WDR27: variants seen among roughly 807,000 people sequenced by gnomAD.
WDR27 encodes WD repeat domain 27, also known as WD repeat-containing protein 27.
A neutral mutation model predicts 114.4 loss-of-function variants in WDR27; 100 were observed. The observed-to-expected ratio is 0.87, with a 90% CI of 0.74 to 1.03. The LOEUF (loss-of-function observed/expected upper bound fraction) is 1.03, where lower values mean the gene tolerates loss of function less well. Among genes scored for constraint, WDR27 ranks in the 50% least tolerant of loss-of-function variants. The pLI, the probability that WDR27 is intolerant of heterozygous loss-of-function variation, is 0.00. For missense variants in WDR27, 1,129 were observed against 1,092.9 expected, an observed-to-expected ratio of 1.03 and a Z score of -0.47; for synonymous variants, 449 against 423.1, an observed-to-expected ratio of 1.06 and a Z score of -0.75.
chr6:169,655,827 C>T (rs973115938), intron 13 of WDR27, among the ~76,000 whole-genome samples: 25 of 152,212 alleles, frequency 1.6e-4, no homozygotes, highest in Admixed American at 1.2e-3. Flanking sequence ...TCAAGCGATT[C>T]TCCTGCCTCA....
intron 25 of WDR27, among the ~76,000 whole-genome samples, chr6:169,553,053 A>G (rs1218202879): frequency 4.8e-4 from 12 of 24,860 alleles, no homozygotes; most frequent in Admixed American, 1.4e-3. Flanking sequence ...GAGGGCCTGG[A>G]GGGCCTGTGT....
chr6:169,468,285 C>T (rs992666660), intron 25 of WDR27, among the ~76,000 whole-genome samples: 16 of 152,238 alleles, frequency 1.1e-4, no homozygotes, highest in African/African-American at 3.4e-4. Flanking sequence ...GCCCTCCAAA[C>T]TCTTTCAACC....
chr6:169,654,675 T>A lies in WDR27; in HGVS notation c.1403-2667A>T, dbSNP rs536409729. Among the ~76,000 whole-genome samples, 437 of 151,814 alleles carry A rather than the reference T, an allele frequency of 2.9e-3. 4 individuals are homozygous for A. Among genetic ancestry groups the A allele is most frequent in the African/African-American group, 0.01 (428 of 41,230 alleles). On this transcript the variant is annotated intron_variant, in intron 13 of 25. Transcript: ENST00000448612. ...TTGCTGCAAAGCGAAAGCACACGCC[T>A]AAGTGAGAAGCCAGGCGAGCTGAGG... is the stretch of plus-strand genomic sequence containing the variant.
intron 25 of WDR27, among the ~76,000 whole-genome samples, chr6:169,516,132 T>A (rs1284648905): frequency 2.0e-5 from 3 of 152,188 alleles, no homozygotes; most frequent in African/African-American, 4.8e-5. Flanking sequence ...CAGAATCAAC[T>A]TTCTTCAGAA....
chr6:169,573,876 C>T (rs1801840666), intron 24 of WDR27, among the ~76,000 whole-genome samples: 1 of 152,228 alleles, frequency 6.6e-6, no homozygotes, highest in Non-Finnish European at 1.5e-5. Context: ...TCTTTTGCAT[C>T]TGTGGTTTGA....
chr6:169,611,084 C>T (rs1810417038), intron 22 of WDR27, among the ~76,000 whole-genome samples: 1 of 151,972 alleles, frequency 6.6e-6, no homozygotes, highest in Non-Finnish European at 1.5e-5. Flanking sequence ...AAAAAGGGTG[C>T]ACCTGTATAG....
intron 25 of WDR27, among the ~76,000 whole-genome samples, chr6:169,561,142 C>A (rs1039933837): frequency 2.6e-5 from 4 of 152,008 alleles, no homozygotes; most frequent in African/African-American, 9.7e-5. Flanking sequence ...GGCTGGAGGT[C>A]CAGGATGAAG....
intron 24 of WDR27, among the ~76,000 whole-genome samples, chr6:169,574,983 G>C (rs1802013795): frequency 6.6e-6 from 1 of 152,162 alleles, no homozygotes; most frequent in African/African-American, 2.4e-5. Flanking sequence ...CCTGGTATTT[G>C]TCTATCTGCC....
chr6:169,512,470 C>T lies in WDR27; in HGVS notation c.2646-54836G>A, dbSNP rs80235060. Among the ~76,000 whole-genome samples the T allele has an allele frequency of 7.2e-5, 11 of 152,200 alleles. No homozygotes were observed. The East Asian group carries it at 7.7e-4, about 11-fold the overall frequency. The stretch of plus-strand genomic sequence containing the variant: ...TCAAGCCTACAAAATAGAAATACAA[C>T]GATAAGCCCAATGGGAACTTTAATT... On this transcript the variant is annotated intron_variant, in intron 25 of 25. Transcript: ENST00000448612.
At chr6:169,438,843 A>G in the WDR27 span, among the ~76,000 whole-genome samples, 219 of 152,272 alleles carry the variant, frequency 1.4e-3, 3 homozygotes, top group East Asian at 0.037. Context: ...TTAGTTTTTT[A>G]CTACTTAGAA....
At chr6:169,610,697 A>T (rs979085626) in intron 22 of WDR27, among the ~76,000 whole-genome samples, 7 of 152,216 alleles carry the variant, frequency 4.6e-5, no homozygotes, top group African/African-American at 1.7e-4. Context: ...ACACCATGAA[A>T]TACTACTACT....
intron 25 of WDR27, among the ~76,000 whole-genome samples, chr6:169,469,626 C>A (rs1786075597): frequency 6.6e-6 from 1 of 152,176 alleles, no homozygotes. Context: ...GAGTGGCAGC[C>A]CTGCTCACCA....
At chr6:169,567,576 T>C (rs1204305916) in intron 25 of WDR27, among the ~76,000 whole-genome samples, 3 of 152,050 alleles carry the variant, frequency 2.0e-5, no homozygotes, top group Non-Finnish European at 4.4e-5. Context: ...TGCAAGAGCC[T>C]AGGAGGTGCT....
At chr6:169,427,300 C>T in the WDR27 span, among the ~76,000 whole-genome samples, 5 of 152,152 alleles carry the variant, frequency 3.3e-5, no homozygotes, top group Non-Finnish European at 1.5e-5. Context: ...AAGGCAGAGT[C>T]AAGTCCCTGG....
chr6:169,466,739 G>T (rs1785638425), intron 25 of WDR27, among the ~76,000 whole-genome samples: 1 of 152,158 alleles, frequency 6.6e-6, no homozygotes, highest in Non-Finnish European at 1.5e-5. Context: ...TGAGATTTGG[G>T]TGGAGACATA....
chr6:169,455,626 G>C (rs988365072), downstream of WDR27, among the ~76,000 whole-genome samples: 1 of 152,216 alleles, frequency 6.6e-6, no homozygotes, highest in Non-Finnish European at 1.5e-5. Flanking sequence ...AACCAGGCAG[G>C]GAAGCCTCTT....
chr6:169,605,058 C>T (rs970405097), intron 22 of WDR27, among the ~76,000 whole-genome samples: 5 of 134,324 alleles, frequency 3.7e-5, no homozygotes, highest in African/African-American at 1.4e-4. Flanking sequence ...TGCCCACTAC[C>T]ACCATTTCTG....
At chr6:169,440,559 T>C in the WDR27 span, among the ~76,000 whole-genome samples, 3,075 of 152,266 alleles carry the variant, frequency 0.02, 63 homozygotes, top group East Asian at 0.07. Flanking sequence ...GACTCCATGT[T>C]CTAATAAGAC....
chr6:169,501,289 C>T (rs1416998952), intron 25 of WDR27, among the ~76,000 whole-genome samples: 1 of 152,156 alleles, frequency 6.6e-6, no homozygotes, highest in African/African-American at 2.4e-5. Flanking sequence ...TCCAGACGGC[C>T]TGCAGGTCCA....
Sources: allele counts gnomAD v4.1 joint callset (sites outside exome capture counted in the v4.1 genomes callset), GRCh38; gene constraint gnomAD v4.1.1; transcripts MANE v1.5; gene names NCBI Gene and HGNC (gene_info 2026-07-23, HGNC 2026-07-21).